The following MAGI1 variants were observed in gnomAD, a reference collection of about 807,000 sequenced individuals.
MAGI1 encodes membrane-associated guanylate kinase, WW and PDZ domain-containing protein 1.
Under a neutral mutation model 139.9 loss-of-function variants are expected in MAGI1, and 58 were observed. The observed-to-expected ratio is 0.41, with a 90% CI of 0.34 to 0.52. The LOEUF (loss-of-function observed/expected upper bound fraction) is 0.52, where lower values mean the gene tolerates loss of function less well. Among genes scored for constraint, MAGI1 ranks in the 20% least tolerant of loss-of-function variants. The pLI is 0.12. For missense variants in MAGI1, 1,874 were observed against 1,901.6 expected, an observed-to-expected ratio of 0.99 and a Z score of 0.27; for synonymous variants, 812 against 737.9, an observed-to-expected ratio of 1.10 and a Z score of -1.63.
intron 1 of MAGI1, among the ~76,000 whole-genome samples, chr3:65,929,028 C>T (rs1426727684): frequency 6.6e-6 from 1 of 151,944 alleles, no homozygotes; most frequent in Non-Finnish European, 1.5e-5. Context: ...GAGACTCACA[C>T]CTATAATCCA....
intron 1 of MAGI1, among the ~76,000 whole-genome samples, chr3:65,728,740 T>C (rs922634729): frequency 1.3e-5 from 2 of 152,186 alleles, no homozygotes; most frequent in African/African-American, 4.8e-5. Context: ...AAAATTATTT[T>C]GTCTAGGACA....
At chr3:65,754,793 G>A (rs780144673) in intron 1 of MAGI1, among the ~76,000 whole-genome samples, 2 of 152,092 alleles carry the variant, frequency 1.3e-5, no homozygotes, top group South Asian at 4.1e-4. Flanking sequence ...TGTCCAAATC[G>A]GAGACTAAAT....
rs549808220 is a variant in MAGI1, at chr3:65,965,632, G to T, written c.313+72364C>A. Among the ~76,000 whole-genome samples the T allele has an allele frequency of 2.0e-5, 3 of 152,104 alleles. No homozygotes were observed. The East Asian group carries it at 5.8e-4, about 29-fold the overall frequency. ...ACTGAAGCAGGAACTCAAGTGAGAAGACAAAATCTGAGGACTCTGTTTCAC... is the reference window on the plus strand; with the variant it reads ...ACTGAAGCAGGAACTCAAGTGAGAATACAAAATCTGAGGACTCTGTTTCAC... On this transcript the variant is annotated intron_variant, in intron 1 of 22. Coordinates refer to ENST00000402939, the MANE Select transcript of MAGI1 (RefSeq NM_001033057.2).
At chr3:66,016,791 C>A (rs957570404) in intron 1 of MAGI1, among the ~76,000 whole-genome samples, 14 of 152,188 alleles carry the variant, frequency 9.2e-5, no homozygotes, top group African/African-American at 3.4e-4. Flanking sequence ...GGGGTACATA[C>A]ACAATGGAAT....
chr3:65,709,041 G>T (rs1182461400), intron 1 of MAGI1, among the ~76,000 whole-genome samples: 3 of 152,164 alleles, frequency 2.0e-5, no homozygotes, highest in Non-Finnish European at 4.4e-5. Context: ...CTCAGAAGAG[G>T]GACAAGCCTG....
intron 1 of MAGI1, among the ~76,000 whole-genome samples, chr3:65,703,375 T>A (rs1297559803): frequency 1.3e-5 from 2 of 151,616 alleles, no homozygotes; most frequent in Non-Finnish European, 2.9e-5. Context: ...GTTTTCTCCC[T>A]GATTAGAATA....
intron 1 of MAGI1, among the ~76,000 whole-genome samples, chr3:65,671,924 C>G (rs530654581): frequency 4.6e-5 from 7 of 152,072 alleles, no homozygotes; most frequent in African/African-American, 1.7e-4. Flanking sequence ...AAAGCTGACC[C>G]GTGATAGACT....
intron 2 of MAGI1, among the ~76,000 whole-genome samples, chr3:65,550,629 C>A (rs2079778246): frequency 6.6e-6 from 1 of 152,004 alleles, no homozygotes; most frequent in African/African-American, 2.4e-5. Flanking sequence ...TGGGATTGGC[C>A]CCCAGCATGC....
At chr3:65,530,611 C>A (rs1204854340) in intron 2 of MAGI1, among the ~76,000 whole-genome samples, 2 of 136,922 alleles carry the variant, frequency 1.5e-5, no homozygotes, top group Non-Finnish European at 3.1e-5. Flanking sequence ...AAGACACATA[C>A]GTATGTGTGT....
chr3:65,695,678 G>C (rs1026592996), intron 1 of MAGI1, among the ~76,000 whole-genome samples: 1 of 152,164 alleles, frequency 6.6e-6, no homozygotes, highest in Admixed American at 6.5e-5. Context: ...CTTTTAAGGA[G>C]AGATAAGGCA....
At chr3:65,938,765 A>T (rs928638589) in intron 1 of MAGI1, among the ~76,000 whole-genome samples, 5 of 152,144 alleles carry the variant, frequency 3.3e-5, no homozygotes, top group African/African-American at 9.7e-5. Flanking sequence ...TTTTCCTGAG[A>T]CTCATTAAAC....
At chr3:65,439,066 C>T (rs1948052299) in intron 9 of MAGI1, among the ~76,000 whole-genome samples, 1 of 151,786 alleles carries the variant, frequency 6.6e-6, no homozygotes, top group African/African-American at 2.4e-5. Flanking sequence ...GAGTATTAAG[C>T]CTATGATTCT....
Position 65,493,498 on chromosome 3 carries a change from T to C in MAGI1, c.550+14A>G. On this transcript the variant is annotated intron_variant, in intron 3 of 22. Transcript: ENST00000402939. ...AGGAGAGAAGCTTTTTATGCTGTCG[T>C]ACAAGTAACTCACCTTCATAGGTGC... The C allele has an allele frequency of 6.2e-7, 1 of 1,614,130 alleles. No homozygotes were observed. The highest frequency in any genetic ancestry group is 8.5e-7 in the Non-Finnish European group (1 of 1,180,020).
Position 65,488,431 on chromosome 3 carries a change from G to T in MAGI1, c.550+5081C>A, listed in dbSNP as rs369266904. On this transcript the variant is annotated intron_variant, in intron 3 of 22. Transcript: ENST00000402939. ...AGCTCACTGCAACATCTGCCTCTTGGGTTCAAGTGATTCTCCCACCTCAGC... is the reference window on the plus strand; with the variant it reads ...AGCTCACTGCAACATCTGCCTCTTGTGTTCAAGTGATTCTCCCACCTCAGC... 1.8e-4 allele frequency among the ~76,000 whole-genome samples: 27 copies of T among 151,738 alleles called. No homozygotes were observed. The East Asian group carries it at 3.3e-3, about 19-fold the overall frequency.
intron 2 of MAGI1, among the ~76,000 whole-genome samples, chr3:65,566,851 C>T (rs1348605853): frequency 1.3e-5 from 2 of 149,466 alleles, no homozygotes; most frequent in African/African-American, 4.9e-5. Context: ...CCCGCCTGGG[C>T]CTCCCAAAGT....
At chr3:65,673,765 C>G (rs562838060) in intron 1 of MAGI1, among the ~76,000 whole-genome samples, 1 of 152,284 alleles carries the variant, frequency 6.6e-6, no homozygotes, top group South Asian at 2.1e-4. Context: ...CATGTGGGCA[C>G]AGAGATTTGT....
intron 1 of MAGI1, among the ~76,000 whole-genome samples, chr3:65,868,664 G>C (rs2059812763): frequency 1.3e-5 from 2 of 152,078 alleles, no homozygotes; most frequent in African/African-American, 4.8e-5. Context: ...CTAATTATAT[G>C]TTGGGAGCTA....
intron 1 of MAGI1, among the ~76,000 whole-genome samples, chr3:65,761,147 T>A (rs919705066): frequency 2.0e-5 from 3 of 152,188 alleles, no homozygotes; most frequent in African/African-American, 7.2e-5. Context: ...CAAGTCCTCT[T>A]GACTTTCACC....
intron 13 of MAGI1, among the ~76,000 whole-genome samples, chr3:65,394,735 T>C (rs1020093940): frequency 1.3e-5 from 2 of 152,286 alleles, no homozygotes; most frequent in Admixed American, 6.5e-5. Flanking sequence ...TTGTCCTTTA[T>C]CTGGTTAGAG....
Sources: allele counts gnomAD v4.1 joint callset (sites outside exome capture counted in the v4.1 genomes callset), GRCh38; gene constraint gnomAD v4.1.1; transcripts MANE v1.5; gene names NCBI Gene and HGNC (gene_info 2026-07-23, HGNC 2026-07-21).